The following EIF4E3 variants were observed in gnomAD, a reference collection of about 807,000 sequenced individuals.
EIF4E3 encodes the protein eukaryotic translation initiation factor 4E family member 3, also known as eukaryotic translation initiation factor 4E type 3.
EIF4E3 carries 26 observed loss-of-function variants against 31.7 expected under a neutral mutation model. The observed-to-expected ratio is 0.82, with a 90% CI of 0.60 to 1.14. The LOEUF (loss-of-function observed/expected upper bound fraction) is 1.14. Among genes scored for constraint, EIF4E3 ranks in the 50% most tolerant of loss-of-function variants. The pLI is 0.00. For missense variants in EIF4E3, 304 were observed against 270.9 expected, an observed-to-expected ratio of 1.12 and a Z score of -0.86; for synonymous variants, 128 against 107.7, an observed-to-expected ratio of 1.19 and a Z score of -1.17.
At chr3:71,733,070 T>C (rs143947077) in intron 1 of EIF4E3, among the ~76,000 whole-genome samples, 89 of 152,326 alleles carry the variant, frequency 5.8e-4, no homozygotes, top group African/African-American at 2.0e-3. Context: ...GTGTCCTCCT[T>C]TGTATGCTCG....
At chr3:71,670,292 A>G in the EIF4E3 span, among the ~76,000 whole-genome samples, 1 of 152,170 alleles carries the variant, frequency 6.6e-6, no homozygotes, top group Non-Finnish European at 1.5e-5. Flanking sequence ...AGCTTTTGCA[A>G]GTAAATATCT....
chr3:71,659,469 CAG>C, the EIF4E3 span, among the ~76,000 whole-genome samples: 3 of 152,204 alleles, frequency 2.0e-5, no homozygotes, highest in Non-Finnish European at 2.9e-5. Context: ...TCAACTGTGA[CAG>C]GGGCACAGAT....
chr3:71,725,494 C>T (rs1415921468), upstream of EIF4E3: 2 of 357,198 alleles, frequency 5.6e-6, no homozygotes, highest in Non-Finnish European at 7.4e-6. This position sits in a 1 kb window ranked among gnomAD's most constrained non-coding sequence, Gnocchi z 6.1. Flanking sequence ...CCGCCCGCCG[C>T]CCGCCGCCCG....
chr3:71,707,587 T>C (rs1021655447), intron 2 of EIF4E3, among the ~76,000 whole-genome samples: 1 of 152,160 alleles, frequency 6.6e-6, no homozygotes, highest in Non-Finnish European at 1.5e-5. Context: ...CTTAGGGCAG[T>C]GTTTATCAGC....
downstream of EIF4E3, among the ~76,000 whole-genome samples, chr3:71,672,231 G>T (rs2048850405): frequency 6.6e-6 from 1 of 152,034 alleles, no homozygotes; most frequent in African/African-American, 2.4e-5. Flanking sequence ...ATCACCGGGC[G>T]ATTTTTTTTA....
the EIF4E3 span, among the ~76,000 whole-genome samples, chr3:71,667,749 A>C: frequency 1.3e-5 from 2 of 152,254 alleles, no homozygotes; most frequent in Non-Finnish European, 2.9e-5. Context: ...CAAGGAAATA[A>C]GAGAGCACAC....
At chr3:71,736,222 C>A (rs939417709) in intron 1 of EIF4E3, among the ~76,000 whole-genome samples, 3 of 152,258 alleles carry the variant, frequency 2.0e-5, no homozygotes, top group African/African-American at 7.2e-5. Flanking sequence ...AATGGTACAG[C>A]CACTTTGAAA....
intron 6 of EIF4E3, among the ~76,000 whole-genome samples, chr3:71,686,183 T>C (rs1329460069): frequency 6.6e-6 from 1 of 151,816 alleles, no homozygotes; most frequent in African/African-American, 2.4e-5. Flanking sequence ...AGAGACAGGG[T>C]TTTGCCATGT....
intron 6 of EIF4E3, among the ~76,000 whole-genome samples, chr3:71,686,210 G>A (rs1325985273): frequency 3.3e-5 from 5 of 151,958 alleles, no homozygotes; most frequent in African/African-American, 1.2e-4. Flanking sequence ...GGCTGGTCTC[G>A]AACTCCTGAG....
Position 71,680,196 on chromosome 3 carries a change from G to A in EIF4E3, c.*4486C>T, listed in dbSNP as rs1392568002. ...AATCAGGTCACCTGACAGAGCTTAG[G>A]GTTGGGAGGCTTTCCTCATTTGTCA... On this transcript the variant is annotated 3_prime_UTR_variant, in exon 7 of 7. Coordinates refer to ENST00000425534, the MANE Select transcript of EIF4E3 (RefSeq NM_001134651.2). 2.6e-5 allele frequency: 4 copies of A among 152,158 alleles called. No individual in the cohort carries two copies. The highest frequency in any genetic ancestry group is 9.7e-5 in the African/African-American group (4 of 41,418). 9.4% of individuals were successfully genotyped at this position (152,158 alleles called of 1,614,324 possible). A position where few individuals can be genotyped will look rare whatever the true frequency, so the allele number is the denominator to read the frequency against.
chr3:71,692,786 G>C (rs1270622594), intron 5 of EIF4E3, among the ~76,000 whole-genome samples: 1 of 151,882 alleles, frequency 6.6e-6, no homozygotes, highest in Non-Finnish European at 1.5e-5. Flanking sequence ...TAGAGACAAG[G>C]GTCTCTCTAT....
chr3:71,698,219 T>C (rs1453167161), intron 3 of EIF4E3, among the ~76,000 whole-genome samples: 1 of 152,184 alleles, frequency 6.6e-6, no homozygotes, highest in Non-Finnish European at 1.5e-5. Flanking sequence ...GGGAAGAAAG[T>C]GGCGTTCAGT....
At chr3:71,731,154 T>A (rs960254833) in intron 1 of EIF4E3, among the ~76,000 whole-genome samples, 1 of 152,060 alleles carries the variant, frequency 6.6e-6, no homozygotes, top group Non-Finnish European at 1.5e-5. Context: ...GACCCTCTCA[T>A]CTCCTGCCAG....
chr3:71,699,257 C>CA (rs2049181139), intron 3 of EIF4E3, among the ~76,000 whole-genome samples: 1 of 151,904 alleles, frequency 6.6e-6, no homozygotes, highest in African/African-American at 2.4e-5. Flanking sequence ...ACAACAACAA[C>CA]AACAAAAAAA....
rs1259884675 is a variant in EIF4E3 at position 71,683,739 on chromosome 3, G to A, written c.*943C>T. 2 of 152,188 alleles carry A rather than the reference G, an allele frequency of 1.3e-5. No individual in the cohort carries two copies. The highest frequency in any genetic ancestry group is 6.5e-5 in the Admixed American group (1 of 15,274). The allele number at this position is 152,188 out of a possible 1,614,324, so 9.4% of individuals were successfully genotyped here. On this transcript the variant is annotated 3_prime_UTR_variant, in exon 7 of 7. Coordinates refer to ENST00000425534, the MANE Select transcript of EIF4E3 (RefSeq NM_001134651.2). Reference sequence around the variant, plus strand: ...ATGACACACAATGTGAGCAGGGAAAGGGATCATTTAACAAAATGTGTTAGC... The same window carrying A: ...ATGACACACAATGTGAGCAGGGAAAAGGATCATTTAACAAAATGTGTTAGC...
In EIF4E3 at chr3:71,681,426, T is replaced by C. The variant is rs1040212851; in HGVS notation, c.*3256A>G. On this transcript the variant is annotated 3_prime_UTR_variant, in exon 7 of 7. Coordinates refer to ENST00000425534, the MANE Select transcript of EIF4E3 (RefSeq NM_001134651.2). ...AATAGCAAAAGCCCACTTCCTGTCA[T>C]AGGAAGGTTATTTTCAAACTCCAAA... 3 of 152,208 alleles carry C rather than the reference T, an allele frequency of 2.0e-5. No homozygotes were observed. The highest frequency in any genetic ancestry group is 2.9e-5 in the Non-Finnish European group (2 of 68,054). The allele number at this position is 152,208 out of a possible 1,614,324, so 9.4% of individuals were successfully genotyped here.
intron 1 of EIF4E3, among the ~76,000 whole-genome samples, chr3:71,747,673 A>G (rs749796039): frequency 1.3e-5 from 2 of 152,208 alleles, no homozygotes; most frequent in Non-Finnish European, 2.9e-5. Context: ...TTTTGGGAAC[A>G]TATCCAAGAA....
At chr3:71,714,340 AAAAG>A (rs2108090410) in intron 1 of EIF4E3, among the ~76,000 whole-genome samples, 1 of 152,182 alleles carries the variant, frequency 6.6e-6, no homozygotes, top group South Asian at 2.1e-4. Context: ...AAGAAAGAGA[AAAAG>A]GAAGGACAAA....
chr3:71,722,565 C>T (rs1263941937), intron 1 of EIF4E3, among the ~76,000 whole-genome samples: 1 of 152,210 alleles, frequency 6.6e-6, no homozygotes, highest in Non-Finnish European at 1.5e-5. Context: ...TCAGCCTGTA[C>T]CCCCAATCTA....
Sources: gnomAD v4.1 joint callset for allele counts (sites outside exome capture counted in the v4.1 genomes callset) on GRCh38, gnomAD v4.1.1 for gene constraint, Gnocchi (gnomAD v3.1) non-coding constraint, MANE v1.5 for transcripts, NCBI Gene and HGNC (gene_info 2026-07-23, HGNC 2026-07-21) for gene names.